The following SUGT1 variants were observed in gnomAD, a reference collection of about 807,000 sequenced individuals.
SUGT1 encodes protein SGT1 homolog.
A neutral mutation model predicts 56.1 loss-of-function variants in SUGT1; 15 were observed. The observed-to-expected ratio is 0.27, with a 90% CI of 0.18 to 0.41. SUGT1 has a LOEUF of 0.41. Among genes scored for constraint, SUGT1 ranks in the 10% least tolerant of loss-of-function variants. SUGT1 has a pLI of 1.00. For missense variants in SUGT1, 347 were observed against 382.2 expected, an observed-to-expected ratio of 0.91 and a Z score of 0.77; for synonymous variants, 123 against 128.6, an observed-to-expected ratio of 0.96 and a Z score of 0.30.
chr13:52,680,275 G>T, intron 12 of SUGT1, 120 bp downstream of exon 12: 2 of 895,398 alleles, frequency 2.2e-6, no homozygotes, highest in Non-Finnish European at 3.3e-6. Context: ...TTTGAATAAG[G>T]TCTGTCTGAA....
chr13:52,654,450 A>G (rs77173401), intron 2 of SUGT1, among the ~76,000 whole-genome samples: 1,615 of 152,310 alleles, frequency 0.011, 29 homozygotes, highest in African/African-American at 0.037. Flanking sequence ...TTACTTTAAA[A>G]ATTTTTATGG....
intron 11 of SUGT1, among the ~76,000 whole-genome samples, chr13:52,677,181 TTG>T (rs1963179372): frequency 1.3e-5 from 2 of 152,062 alleles, no homozygotes; most frequent in African/African-American, 4.8e-5. Context: ...AACAGATCAT[TTG>T]TGTGTGTGTT....
chr13:52,662,828 GT>G (rs1040603394), intron 6 of SUGT1, 126 bp downstream of exon 6: 2 of 999,284 alleles, frequency 2.0e-6, no homozygotes, highest in Non-Finnish European at 2.9e-6. Context: ...TTCCTTAGAT[GT>G]GGACTTCCAA....
At position 52,697,878 on chromosome 13, in the gene SUGT1, C is replaced by T. The variant is rs1963981903; in HGVS notation, c.*10043C>T. 1 of 152,232 alleles carries T rather than the reference C, an allele frequency of 6.6e-6. No homozygotes were observed. The highest frequency in any genetic ancestry group is 1.5e-5 in the Non-Finnish European group (1 of 68,058). 9.4% of individuals were successfully genotyped at this position (152,232 alleles called of 1,614,324 possible). ...CTAGGTAAACAAAATTCCCTGCCTT[C>T]ATGGAGCTTAGCTTGTGGTGGTGGA... On this transcript the variant is annotated 3_prime_UTR_variant, in exon 13 of 13. Coordinates refer to ENST00000310528, the MANE Select transcript of SUGT1 (RefSeq NM_006704.5).
At position 52,657,754 on chromosome 13, in the gene SUGT1, A is replaced by G. The variant is rs552421612; in HGVS notation, c.187+132A>G. 6.3e-5 allele frequency: 48 copies of G among 761,812 alleles called. No individual in the cohort carries two copies. The African/African-American group carries it at 7.8e-4, about 12-fold the overall frequency. 47.2% of individuals were successfully genotyped at this position (761,812 alleles called of 1,614,324 possible). A position where few individuals can be genotyped will look rare whatever the true frequency, so the allele number is the denominator to read the frequency against. On this transcript the variant is annotated intron_variant, in intron 3 of 12. Transcript: ENST00000310528. ...TACAAGGTAAAGTAGCTCAAATGTG[A>G]CAGACATGTTGAGCAACACCCATTT...
chr13:52,679,873 T>C, intron 11 of SUGT1, 101 bp from the exon 12 acceptor site: 1 of 1,164,158 alleles, frequency 8.6e-7, no homozygotes, highest in Non-Finnish European at 1.2e-6. Flanking sequence ...TAACCTAAAC[T>C]GTTTGCTAAG....
At chr13:52,686,226 C>T (rs892638466) in intron 12 of SUGT1, among the ~76,000 whole-genome samples, 3 of 152,052 alleles carry the variant, frequency 2.0e-5, no homozygotes, top group Non-Finnish European at 4.4e-5. Flanking sequence ...CTACGCCTGG[C>T]CTTGGGGTAG....
At chr13:52,680,291 C>A (rs1963320422) in intron 12 of SUGT1, 136 bp downstream of exon 12, 1 of 725,106 alleles carries the variant, frequency 1.4e-6, no homozygotes, top group Non-Finnish European at 2.1e-6. Context: ...CTGAACGTTT[C>A]TTTTTGCTCT....
rs1032714470 is a variant in SUGT1 at position 52,689,230 on chromosome 13, G to GCATT, written c.*1397_*1400dup. ...AAACCTGTTGTTATAGCTTGTTTAA[G>GCATT]CATTCTAGAGTTTTCACTTGTCCTT... On this transcript the variant is annotated 3_prime_UTR_variant, in exon 13 of 13. Coordinates refer to ENST00000310528, the MANE Select transcript of SUGT1 (RefSeq NM_006704.5). 6.6e-6 allele frequency: 1 copy of GCATT among 152,102 alleles called. No homozygotes were observed. The highest frequency in any genetic ancestry group is 2.4e-5 in the African/African-American group (1 of 41,426). 9.4% of individuals were successfully genotyped at this position (152,102 alleles called of 1,614,324 possible). A position where few individuals can be genotyped will look rare whatever the true frequency, so the allele number is the denominator to read the frequency against.
rs559711586 is a variant in SUGT1 at position 52,657,442 on chromosome 13, A to G, written c.97-90A>G. 300 of 1,105,018 alleles carry G rather than the reference A, an allele frequency of 2.7e-4. 1 individual carries two copies. In the South Asian group the frequency reaches 3.0e-3, roughly 11 times the overall value. The allele number at this position is 1,105,018 out of a possible 1,614,324, so 68.5% of individuals were successfully genotyped here. A position where few individuals can be genotyped will look rare whatever the true frequency, so the allele number is the denominator to read the frequency against. On this transcript the variant is annotated intron_variant, in intron 2 of 12. Transcript: ENST00000310528. Reference sequence around the variant, plus strand: ...TCTTTCCTCCAAATAGCTTCTGACAATAAGTTACTTGATTAAAAATTATGT... The same window carrying G: ...TCTTTCCTCCAAATAGCTTCTGACAGTAAGTTACTTGATTAAAAATTATGT...
At chr13:52,678,635 G>A (rs996257853) in intron 11 of SUGT1, among the ~76,000 whole-genome samples, 8 of 150,996 alleles carry the variant, frequency 5.3e-5, no homozygotes, top group East Asian at 1.9e-4. Flanking sequence ...AGTTTGAAGA[G>A]TTAGTATGAA....
chr13:52,668,470 G>A (rs2138137544), intron 10 of SUGT1, among the ~76,000 whole-genome samples: 1 of 152,282 alleles, frequency 6.6e-6, no homozygotes, highest in Non-Finnish European at 1.5e-5. Flanking sequence ...GTAAAGTGAA[G>A]TAGTTTTTTG....
At position 52,699,958 on chromosome 13, in the gene SUGT1, G is replaced by A. The variant is rs1237427055; in HGVS notation, c.*12123G>A. ...GCCATGTGCAGAGGAGAGAAAAGGT[G>A]TTGGATTTTCTGCAGTTCTGATTCA... On this transcript the variant is annotated 3_prime_UTR_variant, in exon 13 of 13. Transcript: ENST00000310528. The A allele has an allele frequency of 6.6e-6, 1 of 152,202 alleles. No homozygotes were observed. The highest frequency in any genetic ancestry group is 1.5e-5 in the Non-Finnish European group (1 of 68,032). 9.4% of individuals were successfully genotyped at this position (152,202 alleles called of 1,614,324 possible). A position where few individuals can be genotyped will look rare whatever the true frequency, so the allele number is the denominator to read the frequency against.
At chr13:52,680,882 C>A (rs1963344928) in intron 12 of SUGT1, among the ~76,000 whole-genome samples, 1 of 152,170 alleles carries the variant, frequency 6.6e-6, no homozygotes, top group Non-Finnish European at 1.5e-5. Flanking sequence ...CACTCTGTTG[C>A]CCAGGCTTGA....
At chr13:52,661,486 T>G in intron 5 of SUGT1, 1 of 324,688 alleles carries the variant, frequency 3.1e-6, no homozygotes, top group Non-Finnish European at 6.1e-6. Context: ...AGAGACGGGG[T>G]TTCATCGTGT....
intron 9 of SUGT1, among the ~76,000 whole-genome samples, chr13:52,666,110 CAG>C (rs1434533187): frequency 6.6e-6 from 1 of 152,118 alleles, no homozygotes; most frequent in Non-Finnish European, 1.5e-5. Context: ...TTTTTTGAGA[CAG>C]AGTCTCGCTC....
At position 52,692,300 on chromosome 13, in the gene SUGT1, C is replaced by G. The variant is rs1963803943; in HGVS notation, c.*4465C>G. On this transcript the variant is annotated 3_prime_UTR_variant, in exon 13 of 13. Transcript: ENST00000310528. Reference sequence around the variant, plus strand: ...CAGACTCCATTACCCATACTTCTGACAACTGCAATCCTCTCATCAGGTTAA... The same window carrying G: ...CAGACTCCATTACCCATACTTCTGAGAACTGCAATCCTCTCATCAGGTTAA... 6.6e-6 allele frequency: 1 copy of G among 152,090 alleles called. No homozygotes were observed. The highest frequency in any genetic ancestry group is 6.6e-5 in the Admixed American group (1 of 15,266). The allele number at this position is 152,090 out of a possible 1,614,324, so 9.4% of individuals were successfully genotyped here.
chr13:52,656,460 A>G (rs181035715), intron 2 of SUGT1, among the ~76,000 whole-genome samples: 2 of 152,314 alleles, frequency 1.3e-5, no homozygotes, highest in East Asian at 1.9e-4. Flanking sequence ...TGTATTTACC[A>G]TACTGCAGCC....
rs1963896085 is a variant in SUGT1 at position 52,695,258 on chromosome 13, T to C, written c.*7423T>C. ...AAACATGCTTAAGAAATTGAGTGCA[T>C]TTCCTTTATTATTGTTATTATTTTG... On this transcript the variant is annotated 3_prime_UTR_variant, in exon 13 of 13. Coordinates refer to ENST00000310528, the MANE Select transcript of SUGT1 (RefSeq NM_006704.5). 1 of 152,178 alleles carries C rather than the reference T, an allele frequency of 6.6e-6. No homozygotes were observed. The highest frequency in any genetic ancestry group is 1.5e-5 in the Non-Finnish European group (1 of 68,038). The allele number at this position is 152,178 out of a possible 1,614,324, so 9.4% of individuals were successfully genotyped here.
Sources: gnomAD v4.1 joint callset for allele counts (sites outside exome capture counted in the v4.1 genomes callset) on GRCh38, gnomAD v4.1.1 for gene constraint, MANE v1.5 for transcripts, NCBI Gene and HGNC (gene_info 2026-07-23, HGNC 2026-07-21) for gene names.